The following AGO4 variants were observed in gnomAD, a reference collection of about 807,000 sequenced individuals.
AGO4 encodes protein argonaute-4.
Under a neutral mutation model 104.7 loss-of-function variants are expected in AGO4, and 33 were observed. The ratio of observed to expected loss-of-function variants is 0.32; its 90% CI spans 0.24 to 0.42. The LOEUF (loss-of-function observed/expected upper bound fraction) is 0.42, where lower values mean the gene tolerates loss of function less well. Ranked by LOEUF, AGO4 falls within the 10% of genes least tolerant of loss-of-function variation. The pLI, the probability that AGO4 is intolerant of heterozygous loss-of-function variation, is 1.00. For synonymous variants in AGO4, 331 were observed against 364.7 expected (o/e 0.91, Z 1.05); for missense variants, 711 against 1,083.4 (o/e 0.66, Z 4.83).
intron 2 of AGO4, among the ~76,000 whole-genome samples, chr1:35,819,009 G>A (rs1394754169): frequency 6.6e-6 from 1 of 152,134 alleles, no homozygotes; most frequent in Admixed American, 6.6e-5. Flanking sequence ...GAATGATTCA[G>A]GTGAAAAGTA....
At chr1:35,815,193 C>T (rs1446555925) in intron 1 of AGO4, among the ~76,000 whole-genome samples, 1 of 152,098 alleles carries the variant, frequency 6.6e-6, no homozygotes, top group Non-Finnish European at 1.5e-5. Context: ...CAACTTCTTG[C>T]TTCCAAGTTT....
rs1644268764 is a variant in AGO4 at position 35,834,868 on chromosome 1, G to A, written c.1564+694G>A. On this transcript the variant is annotated intron_variant, in intron 12 of 17. Coordinates refer to ENST00000373210, the MANE Select transcript of AGO4 (RefSeq NM_017629.4). Reference sequence around the variant, plus strand: ...CCACAACCACGCCCAGCTAATTTTTGTATTTTTTATAGAGATAGGGTTTTG... The same window carrying A: ...CCACAACCACGCCCAGCTAATTTTTATATTTTTTATAGAGATAGGGTTTTG... Among the ~76,000 whole-genome samples, 3 of 151,998 alleles carry A rather than the reference G, an allele frequency of 2.0e-5. No individual in the cohort carries two copies. In the South Asian group the frequency reaches 6.2e-4, roughly 31 times the overall value.
At chr1:35,817,446 T>C (rs1350452112) in intron 2 of AGO4, among the ~76,000 whole-genome samples, 1 of 152,114 alleles carries the variant, frequency 6.6e-6, no homozygotes, top group East Asian at 1.9e-4. Flanking sequence ...GAAGATTACT[T>C]GCAGATTTTT....
rs778885830 is a variant in AGO4, at chr1:35,825,819, G to A, written c.625+4G>A. ...AATATGATGCTCAACATTGATGGTA[G>A]GATGGAACTCTCTTTATCCAATAAC... On this transcript the variant is annotated splice_donor_region_variant and intron_variant, in intron 5 of 17. Coordinates refer to ENST00000373210, the MANE Select transcript of AGO4 (RefSeq NM_017629.4). 3.2e-6 allele frequency: 5 copies of A among 1,584,672 alleles called. No individual in the cohort carries two copies. In the South Asian group the frequency reaches 5.8e-5, roughly 18 times the overall value.
chr1:35,840,166 T>TTTTG (rs1226740060), intron 13 of AGO4, among the ~76,000 whole-genome samples: 17 of 142,748 alleles, frequency 1.2e-4, no homozygotes, highest in African/African-American at 4.4e-4. Context: ...TAATTTTTTT[T>TTTTG]TTTGTTTGTT....
rs533262025 is a variant in AGO4 at position 35,849,998 on chromosome 1, A to G, written c.2176-159A>G. 3.9e-5 allele frequency among the ~76,000 whole-genome samples: 6 copies of G among 152,330 alleles called. No individual in the cohort carries two copies. The East Asian group carries it at 9.6e-4, about 24-fold the overall frequency. ...TACTATAGGTTAAAATGGTTGGGCT[A>G]AGGGAAAGTTACAGAGGATTCAACA... On this transcript the variant is annotated intron_variant, in intron 15 of 17. Transcript: ENST00000373210.
In AGO4 at chr1:35,825,349, G is replaced by A. The variant is rs1643991912; in HGVS notation, c.343G>A (p.Asp115Asn). ...MEVTLPGEGK[D>N]QTFKVSVQWV... is the part of the protein sequence containing the mutation. ...GGTGACTCTTCCAGGCGAGGGTAAA[G>A]ACCAAACATTTAAAGTGTCTGTTCA... is the stretch of plus-strand genomic sequence containing the variant. The change falls in exon 4 of 18, where the codon GAC becomes AAC. Residue 115 changes from aspartate to asparagine, a missense_variant. By Grantham distance (23) the Asp-to-Asn change is conservative. Coordinates refer to ENST00000373210, the MANE Select transcript of AGO4 (RefSeq NM_017629.4). 1.2e-6 allele frequency: 2 copies of A among 1,614,152 alleles called. No homozygotes were observed. Among genetic ancestry groups the A allele is most frequent in the Non-Finnish European group, 1.7e-6 (2 of 1,180,024 alleles).
Position 35,817,037 on chromosome 1 carries a change from A to G in AGO4, c.175A>G (p.Arg59Gly). 1 of 1,606,366 alleles carries G rather than the reference A, an allele frequency of 6.2e-7. No individual in the cohort carries two copies. Among genetic ancestry groups the G allele is most frequent in the Non-Finnish European group, 8.5e-7 (1 of 1,175,634 alleles). The change falls in exon 2 of 18, where the codon AGA (arginine) becomes GGA (glycine). Residue 59 changes from arginine to glycine, a missense_variant. Around this residue, in one of 3 missense-constraint regions of AGO4, gnomAD observed 308 missense variants for 397.8 expected, o/e 0.77. Transcript: ENST00000373210. ...VDIKPEKRPR[R>G]VNREVVDTMV... ...TATTAAGCCTGAAAAACGGCCTCGT[A>G]GAGTCAACAGGTAAGGATTAGAAAC... is the stretch of plus-strand genomic sequence containing the variant.
At chr1:35,849,201 T>C (rs1288006061) in intron 15 of AGO4, among the ~76,000 whole-genome samples, 1 of 152,108 alleles carries the variant, frequency 6.6e-6, no homozygotes, top group Admixed American at 6.6e-5. Context: ...TTGCTTGGAA[T>C]TTTAAAAGGG....
intron 12 of AGO4, 76 bp downstream of exon 12, chr1:35,834,250 C>G: frequency 3.9e-6 from 5 of 1,272,928 alleles, no homozygotes; most frequent in Non-Finnish European, 5.1e-6. Flanking sequence ...CTAGGTTATG[C>G]TGCAGTCACA....
In AGO4 at chr1:35,809,677, G is replaced by A. The variant is rs893415267; in HGVS notation, c.19+1242G>A. On this transcript the variant is annotated intron_variant, in intron 1 of 17. Transcript: ENST00000373210. ...TGTCCCCTGGCTAAAGACATGCTCA[G>A]GTCTTTAGGAATGTAACAGATTCAA... Among the ~76,000 whole-genome samples the A allele has an allele frequency of 4.6e-5, 7 of 152,198 alleles. No individual in the cohort carries two copies. The South Asian group carries it at 8.3e-4, about 18-fold the overall frequency.
intron 13 of AGO4, among the ~76,000 whole-genome samples, chr1:35,836,269 A>G (rs982597171): frequency 2.0e-5 from 3 of 152,184 alleles, no homozygotes; most frequent in Non-Finnish European, 2.9e-5. Context: ...CTTCATATAA[A>G]TGGAATCATG....
chr1:35,838,062 G>T (rs955480471), intron 13 of AGO4, among the ~76,000 whole-genome samples: 8 of 150,578 alleles, frequency 5.3e-5, no homozygotes, highest in Admixed American at 4.6e-4. Flanking sequence ...ATTTATTTAT[G>T]TATTTATTGA....
At chr1:35,829,674 T>TA (rs1199897918) in intron 7 of AGO4, among the ~76,000 whole-genome samples, 1 of 150,500 alleles carries the variant, frequency 6.6e-6, no homozygotes, top group Non-Finnish European at 1.5e-5. Flanking sequence ...CTGTCTCTAC[T>TA]AAAAATACAA....
intron 11 of AGO4, among the ~76,000 whole-genome samples, chr1:35,833,635 A>C (rs1639264261): frequency 6.6e-6 from 1 of 152,190 alleles, no homozygotes; most frequent in African/African-American, 2.4e-5. Flanking sequence ...ACGTTACCTG[A>C]AATTTTGACC....
At position 35,854,833 on chromosome 1, in the gene AGO4, C is replaced by T. The variant is rs770366133; in HGVS notation, c.*1228C>T. 15 of 152,656 alleles carry T rather than the reference C, an allele frequency of 9.8e-5. No individual in the cohort carries two copies. Among genetic ancestry groups the T allele is most frequent in the Non-Finnish European group, 2.9e-5 (2 of 68,046 alleles). The allele number at this position is 152,656 out of a possible 1,614,324, so 9.5% of individuals were successfully genotyped here. A position where few individuals can be genotyped will look rare whatever the true frequency, so the allele number is the denominator to read the frequency against. Reference sequence around the variant, plus strand: ...TTCCTGGGAATCAAGGTAACTCACACGACTACTTGCAGTACAAATTTTTTG... The same window carrying T: ...TTCCTGGGAATCAAGGTAACTCACATGACTACTTGCAGTACAAATTTTTTG... On this transcript the variant is annotated 3_prime_UTR_variant, in exon 18 of 18. Transcript: ENST00000373210.
chr1:35,832,621 A>T (rs1256554915), intron 11 of AGO4, 51 bp downstream of exon 11: 1 of 1,596,936 alleles, frequency 6.3e-7, no homozygotes, highest in East Asian at 2.2e-5. Flanking sequence ...AGATATGAAA[A>T]TACTGTCTTT....
At chr1:35,851,822 C>T (rs1030845305) in intron 17 of AGO4, among the ~76,000 whole-genome samples, 1 of 152,278 alleles carries the variant, frequency 6.6e-6, no homozygotes, top group African/African-American at 2.4e-5. Context: ...TAGGTATTGA[C>T]TGTGTGCCTA....
chr1:35,850,074 C>A, intron 15 of AGO4, 83 bp from the exon 16 acceptor site: 1 of 844,994 alleles, frequency 1.2e-6, no homozygotes, highest in South Asian at 1.7e-5. Context: ...CCAACTTGCT[C>A]CCAATTAACA....
Sources: gnomAD v4.1 joint callset for allele counts (sites outside exome capture counted in the v4.1 genomes callset) on GRCh38, gnomAD v4.1.1 for gene constraint, gnomAD v4.1.1 regional missense constraint, MANE v1.5 for transcripts, NCBI Gene and HGNC (gene_info 2026-07-23, HGNC 2026-07-21) for gene names.